The following CSMD1 variants were observed in gnomAD, a reference collection of about 807,000 sequenced individuals.
CSMD1 encodes CUB and Sushi multiple domains 1.
CSMD1 carries 213 observed loss-of-function variants against 417.5 expected under a neutral mutation model. The ratio of observed to expected loss-of-function variants is 0.51; its 90% confidence interval spans 0.46 to 0.57. CSMD1 has a LOEUF of 0.57. Among genes scored for constraint, CSMD1 ranks in the 20% least tolerant of loss-of-function variants. CSMD1 has a pLI of 0.00. For synonymous variants in CSMD1, 2,862 were observed against 1,736.8 expected, an observed-to-expected ratio of 1.65 and a Z score of -16.11; for missense variants, 6,923 against 4,529.7, an observed-to-expected ratio of 1.53 and a Z score of -15.17.
chr8:3,521,398 A>C (rs1025883597), intron 10 of CSMD1, among the ~76,000 whole-genome samples: 29 of 152,160 alleles, frequency 1.9e-4, no homozygotes, highest in African/African-American at 7.0e-4. Context: ...GCAACAATTC[A>C]GTGCCACCAT....
chr8:4,038,565 T>G (rs1000459891), intron 3 of CSMD1, among the ~76,000 whole-genome samples: 1 of 152,254 alleles, frequency 6.6e-6, no homozygotes, highest in African/African-American at 2.4e-5. Flanking sequence ...AGATTATGCA[T>G]GTCTCTTTGT....
chr8:4,308,900 T>G (rs1374338514), intron 3 of CSMD1, among the ~76,000 whole-genome samples: 1 of 152,148 alleles, frequency 6.6e-6, no homozygotes, highest in South Asian at 2.1e-4. Flanking sequence ...TTTAAAATAC[T>G]CAGAAAATAT....
intron 4 of CSMD1, among the ~76,000 whole-genome samples, chr8:4,016,963 C>G (rs536077394): frequency 6.6e-6 from 1 of 152,254 alleles, no homozygotes; most frequent in Non-Finnish European, 1.5e-5. Flanking sequence ...AAGTCAAAAT[C>G]CCTAATGTCT....
intron 3 of CSMD1, among the ~76,000 whole-genome samples, chr8:4,348,461 T>C (rs1800900942): frequency 6.6e-6 from 1 of 152,122 alleles, no homozygotes. Flanking sequence ...GATCATTTGC[T>C]GAAGTATCTT....
intron 3 of CSMD1, among the ~76,000 whole-genome samples, chr8:4,195,830 G>C (rs1308208679): frequency 1.3e-5 from 2 of 152,138 alleles, no homozygotes; most frequent in Non-Finnish European, 2.9e-5. Flanking sequence ...CTGTAGATGA[G>C]GAGGCAGTGG....
intron 10 of CSMD1, among the ~76,000 whole-genome samples, chr8:3,520,622 G>A (rs1056753646): frequency 2.6e-5 from 4 of 151,990 alleles, no homozygotes; most frequent in Admixed American, 1.3e-4. Context: ...TCATTCACTG[G>A]CTGTTTCCTG....
chr8:3,787,746 T>C (rs1799526112), intron 5 of CSMD1, among the ~76,000 whole-genome samples: 1 of 152,212 alleles, frequency 6.6e-6, no homozygotes, highest in African/African-American at 2.4e-5. Context: ...AGACCCTGTA[T>C]GGGGAAGTTA....
At chr8:4,162,274 C>T (rs1050573694) in intron 3 of CSMD1, among the ~76,000 whole-genome samples, 50 of 152,070 alleles carry the variant, frequency 3.3e-4, no homozygotes, top group African/African-American at 1.1e-3. Flanking sequence ...GCAGATTTTC[C>T]AATAATAAAG....
At chr8:3,664,543 T>G (rs1798586519) in intron 7 of CSMD1, among the ~76,000 whole-genome samples, 1 of 152,196 alleles carries the variant, frequency 6.6e-6, no homozygotes, top group African/African-American at 2.4e-5. Context: ...GTCAAGAGCG[T>G]GAGTGTTTCC....
At chr8:3,249,106 C>T (rs1307001185) in intron 26 of CSMD1, among the ~76,000 whole-genome samples, 1 of 152,090 alleles carries the variant, frequency 6.6e-6, no homozygotes, top group Non-Finnish European at 1.5e-5. Flanking sequence ...GTGTTTAAAG[C>T]ACTTAGCCCG....
intron 1 of CSMD1, among the ~76,000 whole-genome samples, chr8:4,752,398 A>G (rs1343847338): frequency 6.6e-6 from 1 of 152,186 alleles, no homozygotes; most frequent in Non-Finnish European, 1.5e-5. Context: ...AATTTCTGTA[A>G]GGTCATAGGT....
intron 3 of CSMD1, among the ~76,000 whole-genome samples, chr8:4,089,406 G>T (rs2066676916): frequency 1.3e-5 from 2 of 152,000 alleles, no homozygotes; most frequent in African/African-American, 4.8e-5. Context: ...ATTAGTAAAT[G>T]GTACATGGTT....
chr8:3,835,764 CA>C, intron 5 of CSMD1, among the ~76,000 whole-genome samples: 1 of 151,876 alleles, frequency 6.6e-6, no homozygotes, highest in East Asian at 1.9e-4. Context: ...CCCTTAACCC[CA>C]CCATTTGGCT....
At chr8:4,559,235 T>A (rs1000181185) in intron 2 of CSMD1, among the ~76,000 whole-genome samples, 1 of 148,222 alleles carries the variant, frequency 6.7e-6, no homozygotes, top group Non-Finnish European at 1.5e-5. Flanking sequence ...ACTTAAAATG[T>A]TGGATAAACT....
chr8:4,045,148 G>C (rs900918944), intron 3 of CSMD1, among the ~76,000 whole-genome samples: 1 of 152,100 alleles, frequency 6.6e-6, no homozygotes, highest in Non-Finnish European at 1.5e-5. Flanking sequence ...CACCTGCAGC[G>C]GCCACGCAGT....
chr8:3,224,084 T>C (rs762628817), intron 27 of CSMD1, among the ~76,000 whole-genome samples: 1 of 152,208 alleles, frequency 6.6e-6, no homozygotes, highest in Non-Finnish European at 1.5e-5. Flanking sequence ...TTTTACATAA[T>C]ATTCCACCCC....
chr8:4,201,613 G>A (rs1011471040), intron 3 of CSMD1, among the ~76,000 whole-genome samples: 1 of 131,690 alleles, frequency 7.6e-6, no homozygotes, highest in Non-Finnish European at 1.6e-5. Context: ...GAAGAAAATT[G>A]AAATATAAAA....
intron 7 of CSMD1, among the ~76,000 whole-genome samples, chr8:3,658,886 C>T (rs754198424): frequency 2.0e-5 from 3 of 152,200 alleles, no homozygotes; most frequent in Non-Finnish European, 4.4e-5. Flanking sequence ...CGAATGCCTT[C>T]TGTTTTGCCA....
At chr8:4,366,307 C>T (rs1802067669) in intron 3 of CSMD1, among the ~76,000 whole-genome samples, 1 of 152,052 alleles carries the variant, frequency 6.6e-6, no homozygotes, top group African/African-American at 2.4e-5. Flanking sequence ...ATATGTACCA[C>T]ATTTTCTTTA....
Sources: allele counts gnomAD v4.1 joint callset (sites outside exome capture counted in the v4.1 genomes callset), GRCh38; gene constraint gnomAD v4.1.1; transcripts MANE v1.5; gene names NCBI Gene and HGNC (gene_info 2026-07-23, HGNC 2026-07-21).